The following RBKS variants were observed in gnomAD, a reference collection of about 807,000 sequenced individuals.
RBKS encodes ribokinase.
A neutral mutation model predicts 33.9 loss-of-function variants in RBKS; 33 were observed. That is an observed-to-expected ratio of 0.97 (90% CI 0.74 to 1.30). The LOEUF is 1.30. Ranked by LOEUF, RBKS falls within the 50% of genes most tolerant of loss-of-function variation. The pLI is 0.00. For synonymous variants in RBKS, 125 were observed against 143.0 expected, an observed-to-expected ratio of 0.87 and a Z score of 0.90; for missense variants, 361 against 392.6, an observed-to-expected ratio of 0.92 and a Z score of 0.68.
At chr2:27,798,011 G>A (rs1677694252) in intron 7 of RBKS, among the ~76,000 whole-genome samples, 1 of 152,138 alleles carries the variant, frequency 6.6e-6, no homozygotes, top group Non-Finnish European at 1.5e-5. Context: ...GGAGGCTGCA[G>A]TGGAGTGGAG....
intron 7 of RBKS, among the ~76,000 whole-genome samples, chr2:27,815,609 A>C (rs1471566284): frequency 6.6e-6 from 1 of 152,208 alleles, no homozygotes; most frequent in Non-Finnish European, 1.5e-5. Flanking sequence ...TTTGCTCCTG[A>C]GAACACCATT....
chr2:27,802,127 T>TC (rs1236460176), intron 7 of RBKS, among the ~76,000 whole-genome samples: 1 of 149,410 alleles, frequency 6.7e-6, no homozygotes, highest in Non-Finnish European at 1.5e-5. Context: ...TGTGAGCCAC[T>TC]GTGCCCCACC....
chr2:27,840,387 CA>C (rs1663466328), intron 5 of RBKS, among the ~76,000 whole-genome samples: 1 of 151,406 alleles, frequency 6.6e-6, no homozygotes, highest in Non-Finnish European at 1.5e-5. Flanking sequence ...CACACACACA[CA>C]CACACACCCT....
intron 7 of RBKS, among the ~76,000 whole-genome samples, chr2:27,824,836 T>C (rs1678281307): frequency 6.6e-6 from 1 of 152,178 alleles, no homozygotes; most frequent in African/African-American, 2.4e-5. Context: ...TATACTGCTT[T>C]TAGAAAACCA....
intron 7 of RBKS, among the ~76,000 whole-genome samples, chr2:27,794,198 G>A (rs572702587): frequency 2.0e-5 from 3 of 151,518 alleles, no homozygotes; most frequent in East Asian, 3.9e-4. Context: ...TTGGGAGGCC[G>A]AGGCAGGAGA....
intron 1 of RBKS, among the ~76,000 whole-genome samples, chr2:27,866,078 G>A (rs1028736587): frequency 2.6e-5 from 4 of 152,052 alleles, no homozygotes; most frequent in African/African-American, 9.7e-5. Context: ...CCACCTAAAG[G>A]AACTTCCTTT....
At chr2:27,819,820 C>G (rs1172231049) in intron 7 of RBKS, among the ~76,000 whole-genome samples, 1 of 152,126 alleles carries the variant, frequency 6.6e-6, no homozygotes, top group East Asian at 1.9e-4. Flanking sequence ...CTGGTATTTC[C>G]AAGAAGAACT....
chr2:27,800,515 A>G (rs1033987256), intron 7 of RBKS, among the ~76,000 whole-genome samples: 1 of 152,216 alleles, frequency 6.6e-6, no homozygotes, highest in Non-Finnish European at 1.5e-5. Flanking sequence ...GAAAAGGCTT[A>G]GCACAGTGCT....
intron 7 of RBKS, among the ~76,000 whole-genome samples, chr2:27,786,514 G>T (rs1213786171): frequency 6.6e-6 from 1 of 152,164 alleles, no homozygotes; most frequent in African/African-American, 2.4e-5. Context: ...TGGGCGCGGT[G>T]GCTCATGCCT....
chr2:27,849,935 T>G (rs929695928), intron 2 of RBKS, among the ~76,000 whole-genome samples: 1 of 152,240 alleles, frequency 6.6e-6, no homozygotes, highest in Non-Finnish European at 1.5e-5. Flanking sequence ...ATCTCCCTAC[T>G]GTCCGTTTCT....
intron 5 of RBKS, among the ~76,000 whole-genome samples, chr2:27,840,354 A>ATG (rs1663461785): frequency 9.2e-6 from 1 of 108,328 alleles, no homozygotes; most frequent in African/African-American, 3.5e-5. Flanking sequence ...ACACACACAC[A>ATG]CGCGCGCGCG....
chr2:27,818,806 A>C (rs1370451920), intron 7 of RBKS, among the ~76,000 whole-genome samples: 1 of 152,226 alleles, frequency 6.6e-6, no homozygotes, highest in Non-Finnish European at 1.5e-5. Flanking sequence ...CACCAGACAC[A>C]TCATGCTTAG....
At chr2:27,866,492 T>C (rs1318521737) in intron 1 of RBKS, among the ~76,000 whole-genome samples, 1 of 152,208 alleles carries the variant, frequency 6.6e-6, no homozygotes, top group Non-Finnish European at 1.5e-5. Context: ...ACGCTTTTAG[T>C]GCCTCTCTGC....
intron 3 of RBKS, 50 bp downstream of exon 3, chr2:27,847,984 T>G: frequency 9.5e-7 from 1 of 1,056,356 alleles, no homozygotes; most frequent in Non-Finnish European, 1.4e-6. Context: ...CATAACAAAA[T>G]CACAGAAAAA....
intron 1 of RBKS, among the ~76,000 whole-genome samples, chr2:27,881,575 A>G (rs1414956926): frequency 6.6e-6 from 1 of 151,858 alleles, no homozygotes; most frequent in Non-Finnish European, 1.5e-5. Context: ...AATAAAATAA[A>G]AATTCATATG....
chr2:27,864,982 G>T (rs867566185), intron 1 of RBKS, among the ~76,000 whole-genome samples: 1 of 152,208 alleles, frequency 6.6e-6, no homozygotes, highest in South Asian at 2.1e-4. Flanking sequence ...AGAAGTCTCT[G>T]AATCTCTCCA....
chr2:27,836,603 T>C (rs904045616), intron 5 of RBKS, among the ~76,000 whole-genome samples: 3 of 152,198 alleles, frequency 2.0e-5, no homozygotes, highest in Admixed American at 1.3e-4. Flanking sequence ...AATTTTTGGC[T>C]AAGTCCCCCA....
At chr2:27,875,127 T>C (rs77208716) in intron 1 of RBKS, among the ~76,000 whole-genome samples, 2,744 of 152,312 alleles carry the variant, frequency 0.018, 78 homozygotes, top group African/African-American at 0.061. Context: ...ACATTTAACA[T>C]CTCTCAACTA....
chr2:27,813,039 T>TA (rs33918494), intron 7 of RBKS, among the ~76,000 whole-genome samples: 180 of 142,842 alleles, frequency 1.3e-3, no homozygotes, highest in South Asian at 6.2e-3. Context: ...AAGAAGCCAT[T>TA]AAAAAAAAAA....
Sources: allele counts gnomAD v4.1 joint callset (sites outside exome capture counted in the v4.1 genomes callset), GRCh38; gene constraint gnomAD v4.1.1; transcripts MANE v1.5; gene names NCBI Gene and HGNC (gene_info 2026-07-23, HGNC 2026-07-21).